Variants in PRRC2C observed in about 807,000 individuals in gnomAD.
The protein encoded by PRRC2C is proline rich coiled-coil 2C, also known as protein PRRC2C.
PRRC2C carries 72 observed loss-of-function variants against 317.2 expected under a neutral mutation model. The ratio of observed to expected loss-of-function variants is 0.23; its 90% confidence interval spans 0.19 to 0.28. The LOEUF (loss-of-function observed/expected upper bound fraction) is 0.28, where lower values mean the gene tolerates loss of function less well. Ranked by LOEUF, PRRC2C falls within the 10% of genes least tolerant of loss-of-function variation. The probability of loss-of-function intolerance (pLI) is 1.00; values close to 1 mark genes in which losing one functional copy is unlikely to be tolerated. For missense variants in PRRC2C, 3,074 were observed against 3,459.7 expected (o/e 0.89, Z 2.80); for synonymous variants, 1,296 against 1,205.9 (o/e 1.07, Z -1.55).
chr1:171,527,730 T>C, intron 10 of PRRC2C, 61 bp from the exon 11 acceptor site: 2 of 1,411,110 alleles, frequency 1.4e-6, no homozygotes, highest in Admixed American at 4.0e-5. Flanking sequence ...CACTCCAGCA[T>C]GGGCAACAGA....
intron 5 of PRRC2C, among the ~76,000 whole-genome samples, chr1:171,517,264 T>C (rs1672559301): frequency 6.6e-6 from 1 of 152,170 alleles, no homozygotes; most frequent in South Asian, 2.1e-4. Context: ...CTCAGGTGTG[T>C]CACTCTGAAA....
chr1:171,560,150 C>T (rs926718160), intron 19 of PRRC2C, among the ~76,000 whole-genome samples: 1 of 152,202 alleles, frequency 6.6e-6, no homozygotes, highest in African/African-American at 2.4e-5. Flanking sequence ...CCATTCTAGA[C>T]TCCTTTAAGA....
At chr1:171,524,998 C>A (rs1425552508) in intron 10 of PRRC2C, 33 bp downstream of exon 10, 9 of 1,512,494 alleles carry the variant, frequency 6.0e-6, no homozygotes, top group Non-Finnish European at 8.1e-6. Flanking sequence ...CTTGTTATTG[C>A]AAGGATCTCC....
intron 1 of PRRC2C, among the ~76,000 whole-genome samples, chr1:171,496,878 T>C (rs989109722): frequency 6.6e-6 from 1 of 151,980 alleles, no homozygotes; most frequent in Non-Finnish European, 1.5e-5. Flanking sequence ...ATTGGCTCAC[T>C]GTAGCCTCAA....
intron 11 of PRRC2C, among the ~76,000 whole-genome samples, chr1:171,529,245 G>T: frequency 6.6e-6 from 1 of 151,926 alleles, no homozygotes; most frequent in East Asian, 1.9e-4. Context: ...CTTTTCCTTG[G>T]GTATGTCTTC....
intron 18 of PRRC2C, among the ~76,000 whole-genome samples, chr1:171,551,907 C>G (rs2102591907): frequency 6.6e-6 from 1 of 152,278 alleles, no homozygotes; most frequent in East Asian, 1.9e-4. Flanking sequence ...ATGCCTCCAG[C>G]TTTGTTCTTT....
rs150029065 is a variant in PRRC2C at position 171,577,507 on chromosome 1, A to G, written c.7029A>G (p.Lys2343=). ...CATCGGACCCTCCAAATATTTGTAA[A>G]GTGAAACCTCAGCAGTTACAGACAA... ...TTTSDPPNIC[K]VKPQQLQTSS... The change falls in exon 26 of 35, where the codon AAA becomes AAG. Residue 2343 remains lysine (K), a synonymous_variant. Coordinates refer to ENST00000647382, the MANE Select transcript of PRRC2C (RefSeq NM_001387844.1). 7 of 1,613,106 alleles carry G rather than the reference A, an allele frequency of 4.3e-6. No individual in the cohort carries two copies. In the African/African-American group the frequency reaches 9.3e-5, roughly 22 times the overall value.
At chr1:171,505,081 G>A (rs1669927717) in intron 1 of PRRC2C, among the ~76,000 whole-genome samples, 1 of 148,796 alleles carries the variant, frequency 6.7e-6, no homozygotes, top group African/African-American at 2.5e-5. Flanking sequence ...AGGCTGGAGT[G>A]CAATGGCACG....
intron 17 of PRRC2C, 148 bp from the exon 18 acceptor site, chr1:171,549,938 G>A: frequency 4.3e-6 from 2 of 465,600 alleles, no homozygotes; most frequent in African/African-American, 2.0e-5. Flanking sequence ...CATGCAATAG[G>A]GTGAGAAATA....
intron 1 of PRRC2C, among the ~76,000 whole-genome samples, chr1:171,489,522 C>A (rs1253253144): frequency 6.6e-6 from 1 of 152,164 alleles, no homozygotes; most frequent in Non-Finnish European, 1.5e-5. Flanking sequence ...ACAGATAGTA[C>A]AGATTGAGTT....
intron 24 of PRRC2C, among the ~76,000 whole-genome samples, chr1:171,571,808 A>T (rs1684814435): frequency 6.6e-6 from 1 of 152,226 alleles, no homozygotes; most frequent in African/African-American, 2.4e-5. Context: ...TACTGATAAT[A>T]GTAAGAATGT....
rs193091866 is a variant in PRRC2C, at chr1:171,591,955, G to C, written c.*108G>C. On this transcript the variant is annotated 3_prime_UTR_variant, in exon 35 of 35. Coordinates refer to ENST00000647382, the MANE Select transcript of PRRC2C (RefSeq NM_001387844.1). Reference sequence around the variant, plus strand: ...GCAAAATGGCCTGTGACATTATCCTGTTCAGAGCTTGGAGATGTACAAGGG... The same window carrying C: ...GCAAAATGGCCTGTGACATTATCCTCTTCAGAGCTTGGAGATGTACAAGGG... 7.2e-7 allele frequency: 1 copy of C among 1,396,982 alleles called. No homozygotes were observed. Among genetic ancestry groups the C allele is most frequent in the African/African-American group, 1.4e-5 (1 of 69,272 alleles). The allele number at this position is 1,396,982 out of a possible 1,614,324, so 86.5% of individuals were successfully genotyped here.
chr1:171,560,400 T>TTTGAGAC (rs57556328), intron 19 of PRRC2C, among the ~76,000 whole-genome samples: 1 of 151,714 alleles, frequency 6.6e-6, no homozygotes, highest in African/African-American at 2.4e-5. Flanking sequence ...AACAATGGGA[T>TTTGAGAC]TTGACTCCAG....
chr1:171,534,653 C>G (rs955663013), intron 12 of PRRC2C, among the ~76,000 whole-genome samples: 16 of 151,968 alleles, frequency 1.1e-4, no homozygotes, highest in African/African-American at 3.9e-4. Context: ...CTCAAACTCC[C>G]AGGCTAAAGT....
intron 1 of PRRC2C, among the ~76,000 whole-genome samples, chr1:171,497,061 G>T (rs573773089): frequency 6.6e-6 from 1 of 152,154 alleles, no homozygotes; most frequent in South Asian, 2.1e-4. Context: ...AGAGTGCTGG[G>T]ATTACAAGCA....
At position 171,517,678 on chromosome 1, in the gene PRRC2C, G is replaced by A. The variant is rs766920865; in HGVS notation, c.614G>A (p.Ser205Asn). ...QDEKLPGQDE[S>N]TAGTSEQNDI... The stretch of plus-strand genomic sequence containing the variant: ...GAAAAGCTCCCTGGCCAGGATGAAA[G>A]CACAGCTGGAACATCAGAGCAAAAT... Residue 205 changes from serine to asparagine, a missense_variant, in exon 6 of 35, where the codon AGC becomes AAC. Transcript: ENST00000647382. 137 of 1,613,458 alleles carry A rather than the reference G, an allele frequency of 8.5e-5. No homozygotes were observed. The highest frequency in any genetic ancestry group is 6.6e-4 in the Middle Eastern group (4 of 6,080).
chr1:171,556,367 C>T (rs1301090012), intron 18 of PRRC2C, among the ~76,000 whole-genome samples: 1 of 152,238 alleles, frequency 6.6e-6, no homozygotes, highest in Non-Finnish European at 1.5e-5. Flanking sequence ...TCCCCCCACC[C>T]CTTGTGCTTC....
At chr1:171,546,138 G>A (rs886617906) in intron 17 of PRRC2C, among the ~76,000 whole-genome samples, 1 of 152,082 alleles carries the variant, frequency 6.6e-6, no homozygotes, top group Non-Finnish European at 1.5e-5. Flanking sequence ...TAAATAATAG[G>A]ACGAGAGGCA....
In PRRC2C at chr1:171,517,637, G is replaced by A. The variant is rs779526821; in HGVS notation, c.573G>A (p.Ser191=). ...GTGGTAAGGCTGCTGGCTCACCTTC[G>A]TCATCTGATCAAGATGAAAAGCTCC... is the stretch of plus-strand genomic sequence containing the variant. ...RDGGKAAGSP[S]SSDQDEKLPG... The change falls in exon 6 of 35, where the codon TCG becomes TCA. Residue 191 remains serine (S), a synonymous_variant. Transcript: ENST00000647382. 1.5e-5 allele frequency: 24 copies of A among 1,612,454 alleles called. No individual in the cohort carries two copies. The highest frequency in any genetic ancestry group is 1.6e-4 in the Middle Eastern group (1 of 6,084).
Sources: allele counts gnomAD v4.1 joint callset (sites outside exome capture counted in the v4.1 genomes callset), GRCh38; gene constraint gnomAD v4.1.1; transcripts MANE v1.5; gene names NCBI Gene and HGNC (gene_info 2026-07-23, HGNC 2026-07-21).